Variants in DCDC2 observed in about 807,000 individuals in gnomAD.
DCDC2 encodes the protein doublecortin domain-containing protein 2.
A neutral mutation model predicts 50.2 loss-of-function variants in DCDC2; 40 were observed. The ratio of observed to expected loss-of-function variants is 0.80; its 90% CI spans 0.62 to 1.04. The LOEUF is 1.04. Ranked by LOEUF, DCDC2 falls within the 50% of genes least tolerant of loss-of-function variation. The probability of loss-of-function intolerance (pLI) is 0.00; values close to 1 mark genes in which losing one functional copy is unlikely to be tolerated. For missense variants in DCDC2, 570 were observed against 581.9 expected, an observed-to-expected ratio of 0.98 and a Z score of 0.21; for synonymous variants, 234 against 210.6, an observed-to-expected ratio of 1.11 and a Z score of -0.96.
chr6:24,309,128 C>A (rs1218510836), intron 2 of DCDC2, among the ~76,000 whole-genome samples: 1 of 152,002 alleles, frequency 6.6e-6, no homozygotes, highest in Non-Finnish European at 1.5e-5. Context: ...AGTTCAAGAC[C>A]AGCCTGGCAA....
rs557247092 is a variant in DCDC2 at position 24,316,095 on chromosome 6, T to G, written c.349-14051A>C. On this transcript the variant is annotated intron_variant, in intron 2 of 9. Coordinates refer to ENST00000378454, the MANE Select transcript of DCDC2 (RefSeq NM_016356.5). Reference sequence around the variant, plus strand: ...GGACAGAGAACATTTGCACTTGCTGTGGATCCAGAGTTCAGTCTTGGACAT... The same window carrying G: ...GGACAGAGAACATTTGCACTTGCTGGGGATCCAGAGTTCAGTCTTGGACAT... Among the ~76,000 whole-genome samples the G allele has an allele frequency of 4.9e-4, 75 of 152,308 alleles. No homozygotes were observed. The South Asian group carries it at 0.014, about 29-fold the overall frequency.
intron 7 of DCDC2, among the ~76,000 whole-genome samples, chr6:24,246,479 CTT>C (rs4052666): frequency 0.014 from 968 of 70,622 alleles, no homozygotes; most frequent in South Asian, 0.043. Context: ...TTTTCTTTTT[CTT>C]TTTTTTTTTT....
chr6:24,198,672 T>C (rs1761505274), intron 8 of DCDC2, among the ~76,000 whole-genome samples: 1 of 151,710 alleles, frequency 6.6e-6, no homozygotes, highest in Admixed American at 6.6e-5. Context: ...TTCACTCCCC[T>C]GGAAAGGGGG....
chr6:24,301,143 G>A (rs577166349), intron 4 of DCDC2, among the ~76,000 whole-genome samples: 2 of 151,856 alleles, frequency 1.3e-5, no homozygotes, highest in East Asian at 1.9e-4. Flanking sequence ...AGGCCAAGGC[G>A]GGCGGATCAC....
At chr6:24,354,505 G>T (rs1208132336) in intron 1 of DCDC2, among the ~76,000 whole-genome samples, 1 of 151,938 alleles carries the variant, frequency 6.6e-6, no homozygotes. Flanking sequence ...TGCCTTTTTG[G>T]ATAAAATACT....
chr6:24,256,659 A>G (rs1271573951), intron 7 of DCDC2, among the ~76,000 whole-genome samples: 1 of 152,176 alleles, frequency 6.6e-6, no homozygotes, highest in African/African-American at 2.4e-5. Context: ...CTTTATAAAA[A>G]CGTGTTTGGG....
At chr6:24,301,681 A>C in intron 4 of DCDC2, 34 bp downstream of exon 4, 1 of 1,607,322 alleles carries the variant, frequency 6.2e-7, no homozygotes, top group East Asian at 2.2e-5. Context: ...AACAATTCAA[A>C]AACTCCTCCA....
chr6:24,248,692 C>T (rs1762737226), intron 7 of DCDC2, among the ~76,000 whole-genome samples: 1 of 152,168 alleles, frequency 6.6e-6, no homozygotes, highest in Non-Finnish European at 1.5e-5. Context: ...ATGCCACGTA[C>T]TCCACCTGTT....
At chr6:24,216,616 A>C (rs553352516) in intron 7 of DCDC2, among the ~76,000 whole-genome samples, 29 of 152,400 alleles carry the variant, frequency 1.9e-4, no homozygotes, top group African/African-American at 7.0e-4. Context: ...GAGGCCATCA[A>C]GACAGTCAGG....
intron 2 of DCDC2, 47 bp from the exon 3 acceptor site, chr6:24,302,091 G>A (rs2113838469): frequency 6.6e-7 from 1 of 1,517,866 alleles, no homozygotes; most frequent in Non-Finnish European, 9.0e-7. Flanking sequence ...GCTTATATTA[G>A]CTTTTTTTTT....
intron 8 of DCDC2, among the ~76,000 whole-genome samples, chr6:24,202,835 C>T (rs1761618038): frequency 6.6e-6 from 1 of 152,050 alleles, no homozygotes; most frequent in African/African-American, 2.4e-5. Flanking sequence ...TTCCTATACA[C>T]CAGTAATAGA....
intron 6 of DCDC2, among the ~76,000 whole-genome samples, chr6:24,285,419 TTTTC>T (rs979930972): frequency 7.2e-5 from 11 of 152,196 alleles, no homozygotes; most frequent in African/African-American, 2.7e-4. Context: ...TACTGTGCAC[TTTTC>T]TTTCATTTTT....
At chr6:24,186,888 G>A (rs1761215321) in intron 8 of DCDC2, among the ~76,000 whole-genome samples, 1 of 152,148 alleles carries the variant, frequency 6.6e-6, no homozygotes, top group African/African-American at 2.4e-5. Flanking sequence ...GTTAAAATTA[G>A]GTCATGAGGG....
At chr6:24,366,446 A>C in the DCDC2 span, among the ~76,000 whole-genome samples, 3 of 152,244 alleles carry the variant, frequency 2.0e-5, no homozygotes, top group Non-Finnish European at 4.4e-5. Flanking sequence ...TTAGAGGCCG[A>C]GATGAAGGAA....
Position 24,295,205 on chromosome 6 carries a change from G to C in DCDC2, c.558-4127C>G, listed in dbSNP as rs1157088682. 3.3e-5 allele frequency among the ~76,000 whole-genome samples: 5 copies of C among 152,260 alleles called. No individual in the cohort carries two copies. The South Asian group carries it at 1.0e-3, about 32-fold the overall frequency. Reference sequence around the variant, plus strand: ...ATAAACGTGATTCACCACATAAACAGAACTTAAAACAAAAACCATATGATT... The same window carrying C: ...ATAAACGTGATTCACCACATAAACACAACTTAAAACAAAAACCATATGATT... On this transcript the variant is annotated intron_variant, in intron 4 of 9. Coordinates refer to ENST00000378454, the MANE Select transcript of DCDC2 (RefSeq NM_016356.5).
chr6:24,214,813 T>C (rs554186845), intron 7 of DCDC2, among the ~76,000 whole-genome samples: 2 of 152,242 alleles, frequency 1.3e-5, no homozygotes, highest in Non-Finnish European at 2.9e-5. Context: ...GAGTTAGCCA[T>C]ACTTCTATAC....
At chr6:24,196,911 T>C (rs1761455859) in intron 8 of DCDC2, among the ~76,000 whole-genome samples, 1 of 152,220 alleles carries the variant, frequency 6.6e-6, no homozygotes, top group Non-Finnish European at 1.5e-5. Context: ...AACGAATTTC[T>C]CCACACTTTT....
chr6:24,314,592 A>C (rs1446806561), intron 2 of DCDC2, among the ~76,000 whole-genome samples: 1 of 152,184 alleles, frequency 6.6e-6, no homozygotes, highest in Non-Finnish European at 1.5e-5. Context: ...AATGGAACAA[A>C]TCATCATTAT....
rs887944387 is a variant in DCDC2 at position 24,232,329 on chromosome 6, C to T, written c.923-27227G>A. Among the ~76,000 whole-genome samples the T allele has an allele frequency of 7.2e-5, 11 of 152,272 alleles. No individual in the cohort carries two copies. The South Asian group carries it at 8.3e-4, about 11-fold the overall frequency. ...GGAATGAAAGTTTATACATCCCCTA[C>T]AAACAGAAGGACATTCTCTCGTTTA... On this transcript the variant is annotated intron_variant, in intron 7 of 9. Coordinates refer to ENST00000378454, the MANE Select transcript of DCDC2 (RefSeq NM_016356.5).
Sources: gnomAD v4.1 joint callset for allele counts (sites outside exome capture counted in the v4.1 genomes callset) on GRCh38, gnomAD v4.1.1 for gene constraint, MANE v1.5 for transcripts, NCBI Gene and HGNC (gene_info 2026-07-23, HGNC 2026-07-21) for gene names.